The following EVI5 variants were observed in gnomAD, a reference collection of about 807,000 sequenced individuals.
EVI5 encodes the protein ecotropic viral integration site 5.
Under a neutral mutation model 112.0 loss-of-function variants are expected in EVI5, and 73 were observed. The observed-to-expected ratio is 0.65, with a 90% CI of 0.54 to 0.79. The LOEUF is 0.79. Among genes scored for constraint, EVI5 ranks in the 30% least tolerant of loss-of-function variants. The pLI is 0.00. For missense variants in EVI5, 900 were observed against 968.8 expected (o/e 0.93, Z 0.94); for synonymous variants, 305 against 319.9 (o/e 0.95, Z 0.50).
intron 19 of EVI5, among the ~76,000 whole-genome samples, chr1:92,521,180 T>C (rs1660870232): frequency 6.6e-6 from 1 of 151,960 alleles, no homozygotes; most frequent in Admixed American, 6.6e-5. Flanking sequence ...CAGCCTGGTC[T>C]CAAACTCTTG....
intron 13 of EVI5, chr1:92,647,450 C>T (rs1661190682): frequency 7.7e-6 from 3 of 389,732 alleles, no homozygotes; most frequent in Non-Finnish European, 1.5e-5. Context: ...ACTTTATCTG[C>T]CTTTGTCATT....
intron 19 of EVI5, among the ~76,000 whole-genome samples, chr1:92,516,596 C>G (rs1310651449): frequency 6.6e-6 from 1 of 152,070 alleles, no homozygotes; most frequent in Non-Finnish European, 1.5e-5. Flanking sequence ...TGTACTAGGT[C>G]TGGAAGTGGG....
At chr1:92,747,141 GA>G (rs1679380782) in intron 1 of EVI5, among the ~76,000 whole-genome samples, 1 of 151,306 alleles carries the variant, frequency 6.6e-6, no homozygotes, top group African/African-American at 2.5e-5. Context: ...AAATAATACA[GA>G]TTTTTTTTAA....
In EVI5 at chr1:92,785,020, G is replaced by A; in HGVS notation, c.-266C>T. ...TCGCGACCCTCACCTACCCCTCCCGGCACCGCCGCTGTCGGAACTGCAGCC... is the reference window on the plus strand; with the variant it reads ...TCGCGACCCTCACCTACCCCTCCCGACACCGCCGCTGTCGGAACTGCAGCC... On this transcript the variant is annotated 5_prime_UTR_variant, in exon 1 of 20. Coordinates refer to ENST00000684568, the MANE Select transcript of EVI5 (RefSeq NM_001350197.2). The A allele has an allele frequency of 1.0e-6, 1 of 985,474 alleles. No individual in the cohort carries two copies. Among genetic ancestry groups the A allele is most frequent in the Non-Finnish European group, 1.2e-6 (1 of 830,032 alleles). The allele number at this position is 985,474 out of a possible 1,614,324, so 61.0% of individuals were successfully genotyped here.
chr1:92,783,150 TC>T (rs1685081278), intron 1 of EVI5, among the ~76,000 whole-genome samples: 1 of 152,108 alleles, frequency 6.6e-6, no homozygotes, highest in Admixed American at 6.6e-5. Context: ...GTGAACTTTT[TC>T]TCTATACTTC....
At chr1:92,577,452 G>A (rs1176647294) in intron 18 of EVI5, among the ~76,000 whole-genome samples, 2 of 152,206 alleles carry the variant, frequency 1.3e-5, no homozygotes, top group African/African-American at 2.4e-5. Flanking sequence ...ATGCTGCAGG[G>A]TAGCATCAGT....
At chr1:92,587,388 CA>C (rs35229896) in intron 18 of EVI5, among the ~76,000 whole-genome samples, 4,390 of 123,778 alleles carry the variant, frequency 0.035, 96 homozygotes, top group African/African-American at 0.094. Context: ...GCTTCAGGGG[CA>C]AAAAAAAAAA....
At chr1:92,646,593 G>A (rs538399400) in intron 13 of EVI5, among the ~76,000 whole-genome samples, 34 of 152,262 alleles carry the variant, frequency 2.2e-4, no homozygotes, top group African/African-American at 7.7e-4. Flanking sequence ...GCCAAGAAAC[G>A]AGCACCAAGA....
Position 92,751,254 on chromosome 1 carries a change from T to A in EVI5, c.-81-14627A>T, listed in dbSNP as rs911994294. Among the ~76,000 whole-genome samples the A allele has an allele frequency of 5.3e-5, 8 of 152,372 alleles. No homozygotes were observed. The East Asian group carries it at 1.3e-3, about 26-fold the overall frequency. ...TTAGTCACAGTTGTTCTATGAGGTA[T>A]ACTGTGATTACTTTTACTTTCTTGG... On this transcript the variant is annotated intron_variant, in intron 1 of 19. Coordinates refer to ENST00000684568, the MANE Select transcript of EVI5 (RefSeq NM_001350197.2).
chr1:92,672,185 C>T (rs1665995186), intron 10 of EVI5, among the ~76,000 whole-genome samples: 2 of 152,282 alleles, frequency 1.3e-5, no homozygotes, highest in South Asian at 4.1e-4. Flanking sequence ...CTGCAATTTA[C>T]TCTTAACACA....
intron 2 of EVI5, among the ~76,000 whole-genome samples, chr1:92,729,818 G>A (rs1173057423): frequency 1.3e-5 from 2 of 152,178 alleles, no homozygotes; most frequent in Non-Finnish European, 2.9e-5. Context: ...TGCAGAACTT[G>A]TGGATATGGA....
rs551052739 is a variant in EVI5, at chr1:92,766,436, T to C, written c.-82+18400A>G. On this transcript the variant is annotated intron_variant, in intron 1 of 19. Coordinates refer to ENST00000684568, the MANE Select transcript of EVI5 (RefSeq NM_001350197.2). ...TTCAGAACAAGTAACTCTTAAAATA[T>C]AGCATATATTATATGAATTTTAAAT... 7.9e-5 allele frequency among the ~76,000 whole-genome samples: 12 copies of C among 152,256 alleles called. No individual in the cohort carries two copies. The East Asian group carries it at 2.1e-3, about 27-fold the overall frequency.
intron 10 of EVI5, among the ~76,000 whole-genome samples, chr1:92,669,393 C>T (rs1020958467): frequency 6.6e-6 from 1 of 151,510 alleles, no homozygotes; most frequent in African/African-American, 2.4e-5. Flanking sequence ...ACTAAAAATA[C>T]AAAAATCAGC....
intron 18 of EVI5, among the ~76,000 whole-genome samples, chr1:92,593,378 G>A (rs2101351246): frequency 6.6e-6 from 1 of 152,224 alleles, no homozygotes; most frequent in Non-Finnish European, 1.5e-5. Context: ...AACCCTTCAT[G>A]CTAAAAACTC....
chr1:92,666,192 C>T (rs932850158), intron 10 of EVI5, among the ~76,000 whole-genome samples, 200 bp from the exon 11 acceptor site: 1 of 151,930 alleles, frequency 6.6e-6, no homozygotes, highest in Admixed American at 6.6e-5. Context: ...AATCCCAGCT[C>T]TTTGGGAGGC....
rs1557795461 is a variant in EVI5 at position 92,563,685 on chromosome 1, T to G, written c.2123A>C (p.Tyr708Ser). The G allele has an allele frequency of 1.2e-6, 2 of 1,609,364 alleles. No homozygotes were observed. The highest frequency in any genetic ancestry group is 1.7e-6 in the Non-Finnish European group (2 of 1,176,712). ...GQLNKSDSNQYIGELKDQIAE... is the reference protein window; with the variant it reads ...GQLNKSDSNQSIGELKDQIAE... ...TATCTGATCTTTCAGTTCCCCAATATACTGGTTAGAATCAGACTTGTTAAG... is the reference window on the plus strand; with the variant it reads ...TATCTGATCTTTCAGTTCCCCAATAGACTGGTTAGAATCAGACTTGTTAAG... Residue 708 changes from tyrosine (Y) to serine (S), a missense_variant, in exon 19 of 20, where the codon TAT (tyrosine) becomes TCT (serine). Coordinates refer to ENST00000684568, the MANE Select transcript of EVI5 (RefSeq NM_001350197.2).
At chr1:92,789,496 G>T (rs2103155547), upstream of EVI5, among the ~76,000 whole-genome samples, 1 of 152,168 alleles carries the variant, frequency 6.6e-6, no homozygotes, top group Admixed American at 6.5e-5. Flanking sequence ...TAGAAACGGG[G>T]TTTCACCATG....
chr1:92,698,650 G>A (rs763524255), intron 5 of EVI5, among the ~76,000 whole-genome samples: 6 of 152,174 alleles, frequency 3.9e-5, no homozygotes, highest in Non-Finnish European at 8.8e-5. Context: ...CATCATGGAG[G>A]AGAAATAACA....
At chr1:92,788,830 AT>A (rs1685870789), upstream of EVI5, among the ~76,000 whole-genome samples, 6 of 152,138 alleles carry the variant, frequency 3.9e-5, no homozygotes, top group South Asian at 1.2e-3. Flanking sequence ...CCCCATAAAA[AT>A]TAAATAAAAT....
Sources: allele counts gnomAD v4.1 joint callset (sites outside exome capture counted in the v4.1 genomes callset), GRCh38; gene constraint gnomAD v4.1.1; transcripts MANE v1.5; gene names NCBI Gene and HGNC (gene_info 2026-07-23, HGNC 2026-07-21).